TRPM7: variants seen among roughly 807,000 people sequenced by gnomAD.
TRPM7 encodes the protein LTRPC ion channel family member 7.
TRPM7 carries 134 observed loss-of-function variants against 229.7 expected under a neutral mutation model. The ratio of observed to expected loss-of-function variants is 0.58; its 90% CI spans 0.51 to 0.67. The LOEUF (loss-of-function observed/expected upper bound fraction) is 0.67, where lower values mean the gene tolerates loss of function less well. Ranked by LOEUF, TRPM7 falls within the 30% of genes least tolerant of loss-of-function variation. The probability of loss-of-function intolerance (pLI) is 0.00; values close to 1 mark genes in which losing one functional copy is unlikely to be tolerated. For synonymous variants in TRPM7, 699 were observed against 715.2 expected (o/e 0.98, Z 0.36); for missense variants, 1,901 against 2,210.0 (o/e 0.86, Z 2.80).
chr15:50,574,057 G>C (rs1484200482), intron 36 of TRPM7, among the ~76,000 whole-genome samples: 1 of 151,540 alleles, frequency 6.6e-6, no homozygotes. Flanking sequence ...ACTCCCTCTG[G>C]GGGTGGGGGA....
intron 1 of TRPM7, among the ~76,000 whole-genome samples, chr15:50,682,365 G>C (rs752959278): frequency 6.6e-6 from 1 of 151,554 alleles, no homozygotes; most frequent in Non-Finnish European, 1.5e-5. Context: ...AGAGCATGAG[G>C]TCAAGAGATC....
rs886315391 is a variant in TRPM7, at chr15:50,561,436, A to G, written c.*242T>C. On this transcript the variant is annotated 3_prime_UTR_variant, in exon 39 of 39. Transcript: ENST00000646667. ...TCTGCTATACAAAGAGCCCTTTAAA[A>G]AGTTATAAATACTAATTATCAATTA... 1.7e-5 allele frequency: 7 copies of G among 408,020 alleles called. No homozygotes were observed. Among genetic ancestry groups the G allele is most frequent in the Non-Finnish European group, 2.6e-5 (6 of 231,424 alleles). The allele number at this position is 408,020 out of a possible 1,614,324, so 25.3% of individuals were successfully genotyped here. A position where few individuals can be genotyped will look rare whatever the true frequency, so the allele number is the denominator to read the frequency against.
intron 21 of TRPM7, among the ~76,000 whole-genome samples, chr15:50,602,375 G>A (rs1178914279): frequency 1.3e-5 from 2 of 152,062 alleles, no homozygotes; most frequent in Non-Finnish European, 2.9e-5. Flanking sequence ...ATACACCGGG[G>A]CCTGTCATGG....
chr15:50,682,398 T>C (rs1296969805), intron 1 of TRPM7, among the ~76,000 whole-genome samples: 2 of 151,546 alleles, frequency 1.3e-5, no homozygotes, highest in Non-Finnish European at 2.9e-5. Flanking sequence ...GCCAACATGG[T>C]GAAACCCCAT....
intron 1 of TRPM7, among the ~76,000 whole-genome samples, chr15:50,675,891 G>C (rs547218609): frequency 3.9e-5 from 6 of 152,306 alleles, no homozygotes; most frequent in South Asian, 4.1e-4. Flanking sequence ...AATCAGACTG[G>C]TCTGAGTTAG....
chr15:50,666,662 C>T (rs2061889942), intron 1 of TRPM7, among the ~76,000 whole-genome samples: 1 of 151,978 alleles, frequency 6.6e-6, no homozygotes, highest in Non-Finnish European at 1.5e-5. Context: ...ATTAGCCAGG[C>T]ATGGTGGTGC....
chr15:50,612,745 G>C lies in TRPM7; in HGVS notation c.1855C>G (p.Pro619Ala), dbSNP rs1442951435. Residue 619 changes from proline (P) to alanine (A), a missense_variant, in exon 16 of 39, where the codon CCT becomes GCT. By Grantham distance (27) the Pro-to-Ala change is conservative. This residue lies in a region of TRPM7 where 794 missense variants were observed against 881.9 expected (regional missense o/e 0.90). Coordinates refer to ENST00000646667, the MANE Select transcript of TRPM7 (RefSeq NM_017672.6). ...DIDDPETKRF[P>A]YPLNELLIWA... ...ATTAAAAGTTCATTAAGTGGATAAG[G>C]AAAGCGCTTGGTTTCTGGATCATCA... 1 of 1,613,992 alleles carries C rather than the reference G, an allele frequency of 6.2e-7. No homozygotes were observed. The highest frequency in any genetic ancestry group is 1.3e-5 in the African/African-American group (1 of 74,906).
At chr15:50,612,955 TTATA>T (rs760709257) in intron 15 of TRPM7, 126 bp from the exon 16 acceptor site, 50 of 760,068 alleles carry the variant, frequency 6.6e-5, no homozygotes, top group Non-Finnish European at 9.2e-5. Flanking sequence ...AGCATAAATT[TTATA>T]AACTTGATTT....
chr15:50,591,653 C>T lies in TRPM7; in HGVS notation c.4324+258G>A, dbSNP rs1020928202. The stretch of plus-strand genomic sequence containing the variant: ...CTGGGACTTCAGGCACATGCCACTG[C>T]GCCTGGCTACTTCCAAAAATTTTTT... On this transcript the variant is annotated intron_variant, in intron 26 of 38. Transcript: ENST00000646667. Among the ~76,000 whole-genome samples the T allele has an allele frequency of 2.0e-5, 3 of 152,150 alleles. No individual in the cohort carries two copies. The East Asian group carries it at 5.8e-4, about 29-fold the overall frequency.
rs775261552 is a variant in TRPM7 at position 50,613,801 on chromosome 15, C to T, written c.1676G>A (p.Arg559Gln). 9.3e-6 allele frequency: 15 copies of T among 1,613,610 alleles called. No individual in the cohort carries two copies. Among genetic ancestry groups the T allele is most frequent in the East Asian group, 6.7e-5 (3 of 44,862 alleles). Residue 559 changes from arginine to glutamine, a missense_variant, in exon 15 of 39, where the codon CGA (arginine) becomes CAA (glutamine). Physicochemically the swap from Arg to Gln is conservative, Grantham distance 43. Transcript: ENST00000646667. ...RNTSSSTPQL[R>Q]KSHESFGNRA... ...ATTGCCAAAAGATTCATGACTCTTTCGCAACTGAGGAGTGCTGCTGGAGGT... is the reference window on the plus strand; with the variant it reads ...ATTGCCAAAAGATTCATGACTCTTTTGCAACTGAGGAGTGCTGCTGGAGGT...
At chr15:50,684,761 T>C (rs938205564) in intron 1 of TRPM7, among the ~76,000 whole-genome samples, 12 of 152,194 alleles carry the variant, frequency 7.9e-5, no homozygotes, top group Non-Finnish European at 1.6e-4. Flanking sequence ...GATGGGTTTC[T>C]TTCAACAAAT....
intron 38 of TRPM7, among the ~76,000 whole-genome samples, chr15:50,564,312 A>C (rs911513419): frequency 2.7e-5 from 4 of 150,020 alleles, no homozygotes; most frequent in Admixed American, 6.6e-5. Context: ...ATAAAATAAA[A>C]TAGTATCCAA....
At chr15:50,609,544 CTTAA>C in intron 19 of TRPM7, 33 bp downstream of exon 19, 1 of 1,574,860 alleles carries the variant, frequency 6.3e-7, no homozygotes, top group Admixed American at 1.9e-5. Context: ...AAGCCTAACT[CTTAA>C]AAACATTATG....
rs905036307 is a variant in TRPM7, at chr15:50,575,082, T to C, written c.4789A>G (p.Asn1597Asp). Residue 1597 changes from asparagine to aspartate, a missense_variant, in exon 34 of 39, where the codon AAC (asparagine) becomes GAC (aspartate). Coordinates refer to ENST00000646667, the MANE Select transcript of TRPM7 (RefSeq NM_017672.6). Reference sequence around the variant, plus strand: ...AGTTGTGACCAAGAAGACATGCTGTTATTTAGTATGTTGGGTGAACTCTCT... The same window carrying C: ...AGTTGTGACCAAGAAGACATGCTGTCATTTAGTATGTTGGGTGAACTCTCT... ...LEESSPNILN[N>D]SMSSWSQLGL... is the part of the protein sequence containing the mutation. The C allele has an allele frequency of 1.2e-6, 2 of 1,613,892 alleles. No homozygotes were observed. Among genetic ancestry groups the C allele is most frequent in the Non-Finnish European group, 1.7e-6 (2 of 1,179,890 alleles).
chr15:50,638,773 C>T (rs994307705), intron 6 of TRPM7, among the ~76,000 whole-genome samples: 2 of 152,074 alleles, frequency 1.3e-5, no homozygotes, highest in Non-Finnish European at 2.9e-5. Context: ...GCAACCTCTG[C>T]CTTCCAGTTT....
At position 50,591,916 on chromosome 15, in the gene TRPM7, A is replaced by G. The variant is rs749295831; in HGVS notation, c.4319T>C (p.Phe1440Ser). The G allele has an allele frequency of 7.1e-6, 11 of 1,548,510 alleles. No individual in the cohort carries two copies. The African/African-American group carries it at 1.2e-4, about 18-fold the overall frequency. ...TACGAATTTGCCAAACTTACCTACA[A>G]ATGCTCCAAATTCTGTATTATCTCC... Reference protein sequence around the residue: ...TEGDNTEFGAFVGHRDSMDLQ... With the variant: ...TEGDNTEFGASVGHRDSMDLQ... Residue 1440 changes from phenylalanine to serine, a missense_variant, in exon 26 of 39, where the codon TTT becomes TCT. By Grantham distance (155) the Phe-to-Ser change is radical. Around this residue, in one of 8 missense-constraint regions of TRPM7, gnomAD observed 533 missense variants for 497.1 expected, o/e 1.07. Coordinates refer to ENST00000646667, the MANE Select transcript of TRPM7 (RefSeq NM_017672.6).
rs376691138 is a variant in TRPM7, at chr15:50,686,156, G to A, written c.3+375C>T. Among the ~76,000 whole-genome samples the A allele has an allele frequency of 1.1e-4, 16 of 152,336 alleles. No individual in the cohort carries two copies. The South Asian group carries it at 3.1e-3, about 30-fold the overall frequency. On this transcript the variant is annotated intron_variant, in intron 1 of 38. Transcript: ENST00000646667. Reference sequence around the variant, plus strand: ...ATCTGCCAGCAACTGGCGCCAGGAGGACCGTGCTCCCAGGAGATGCGGAGC... The same window carrying A: ...ATCTGCCAGCAACTGGCGCCAGGAGAACCGTGCTCCCAGGAGATGCGGAGC...
intron 11 of TRPM7, among the ~76,000 whole-genome samples, chr15:50,626,761 CTT>C (rs989121756): frequency 6.6e-6 from 1 of 151,396 alleles, no homozygotes; most frequent in African/African-American, 2.4e-5. Context: ...TAAATAAACT[CTT>C]TTTTATTGCT....
At chr15:50,623,696 A>C (rs1438033755) in intron 12 of TRPM7, among the ~76,000 whole-genome samples, 3 of 152,096 alleles carry the variant, frequency 2.0e-5, no homozygotes, top group Non-Finnish European at 4.4e-5. Flanking sequence ...AGTCTTTGTT[A>C]CGAGAATAGT....
Sources: allele counts gnomAD v4.1 joint callset (sites outside exome capture counted in the v4.1 genomes callset), GRCh38; gene constraint gnomAD v4.1.1; regional missense constraint gnomAD v4.1.1; transcripts MANE v1.5; gene names NCBI Gene and HGNC (gene_info 2026-07-23, HGNC 2026-07-21).